The following KLHL32 variants were observed in gnomAD, a reference collection of about 807,000 sequenced individuals.
KLHL32 encodes the protein kelch-like protein 32.
KLHL32 carries 35 observed loss-of-function variants against 64.8 expected under a neutral mutation model. The ratio of observed to expected loss-of-function variants is 0.54; its 90% CI spans 0.41 to 0.72. KLHL32 has a LOEUF of 0.72. Ranked by LOEUF, KLHL32 falls within the 30% of genes least tolerant of loss-of-function variation. The pLI, the probability that KLHL32 is intolerant of heterozygous loss-of-function variation, is 0.00. For missense variants in KLHL32, 589 were observed against 768.5 expected (o/e 0.77, Z 2.76); for synonymous variants, 259 against 281.0 (o/e 0.92, Z 0.78).
At chr6:97,133,699 TCTC>T (rs1360895487) in intron 10 of KLHL32, among the ~76,000 whole-genome samples, 1 of 152,206 alleles carries the variant, frequency 6.6e-6, no homozygotes, top group Non-Finnish European at 1.5e-5. Context: ...TGTCTCTTCT[TCTC>T]TTGATTTGTC....
At chr6:97,102,177 A>G (rs1171193020) in intron 6 of KLHL32, among the ~76,000 whole-genome samples, 1 of 151,498 alleles carries the variant, frequency 6.6e-6, no homozygotes, top group East Asian at 1.9e-4. Flanking sequence ...TTTTGACATC[A>G]AGTCCTGTAT....
At chr6:97,102,472 A>G (rs1192537813) in intron 6 of KLHL32, among the ~76,000 whole-genome samples, 2 of 152,074 alleles carry the variant, frequency 1.3e-5, no homozygotes, top group Non-Finnish European at 2.9e-5. Context: ...GACCACATGC[A>G]AAGTTCCTTC....
At chr6:97,135,322 T>TTTTC (rs373996278) in intron 10 of KLHL32, among the ~76,000 whole-genome samples, 31,565 of 109,066 alleles carry the variant, frequency 0.29, 4,554 homozygotes, top group Non-Finnish European at 0.32. Flanking sequence ...TTTTTTTTTT[T>TTTTC]CCTGAGAGTG....
At chr6:97,042,617 C>T (rs1315557623) in intron 4 of KLHL32, among the ~76,000 whole-genome samples, 1 of 152,072 alleles carries the variant, frequency 6.6e-6, no homozygotes, top group Non-Finnish European at 1.5e-5. Flanking sequence ...ACCTCACCTA[C>T]CTACCTATTT....
intron 1 of KLHL32, among the ~76,000 whole-genome samples, chr6:96,937,855 C>G (rs2127996585): frequency 6.6e-6 from 1 of 152,238 alleles, no homozygotes; most frequent in East Asian, 1.9e-4. Context: ...TCCATCATGT[C>G]ACTCTTCTTT....
At chr6:97,008,053 A>G (rs111656932) in intron 3 of KLHL32, among the ~76,000 whole-genome samples, 1 of 150,894 alleles carries the variant, frequency 6.6e-6, no homozygotes, top group Non-Finnish European at 1.5e-5. Context: ...TTCCTGCTGC[A>G]CCTCCTCATG....
upstream of KLHL32, among the ~76,000 whole-genome samples, chr6:96,922,901 C>G (rs920626980): frequency 6.6e-6 from 1 of 152,028 alleles, no homozygotes; most frequent in Non-Finnish European, 1.5e-5. Context: ...TACTAAGGAG[C>G]CATTTAGGAA....
intron 3 of KLHL32, 50 bp from the exon 4 acceptor site, chr6:97,041,442 C>T (rs1212260483): frequency 1.6e-6 from 2 of 1,245,498 alleles, no homozygotes. Flanking sequence ...TTGTCTTGCT[C>T]CCTTGCTGTC....
At chr6:96,959,958 C>A (rs1193974472) in intron 1 of KLHL32, among the ~76,000 whole-genome samples, 1 of 152,120 alleles carries the variant, frequency 6.6e-6, no homozygotes, top group Non-Finnish European at 1.5e-5. Flanking sequence ...TAGAATAGTT[C>A]CCTTTTTTAC....
chr6:96,940,164 A>G (rs924589030), intron 1 of KLHL32, among the ~76,000 whole-genome samples: 3 of 152,198 alleles, frequency 2.0e-5, no homozygotes, highest in African/African-American at 7.2e-5. Context: ...GCAATATTAA[A>G]TTTGAGCTGT....
chr6:97,056,348 T>G (rs559010677), intron 4 of KLHL32, among the ~76,000 whole-genome samples: 40 of 152,094 alleles, frequency 2.6e-4, no homozygotes, highest in South Asian at 2.1e-3. Context: ...CTCGTGATCC[T>G]CCCGCCTTGG....
chr6:97,082,560 C>T (rs1792719009), intron 5 of KLHL32, among the ~76,000 whole-genome samples: 1 of 151,566 alleles, frequency 6.6e-6, no homozygotes, highest in African/African-American at 2.4e-5. Flanking sequence ...TTGCACTGAG[C>T]CAAGATAGCA....
intron 1 of KLHL32, among the ~76,000 whole-genome samples, chr6:96,960,562 G>A (rs1170968130): frequency 1.3e-5 from 2 of 152,154 alleles, no homozygotes; most frequent in Non-Finnish European, 2.9e-5. Flanking sequence ...ACAAATATGT[G>A]ATAATAGCAT....
Position 96,933,166 on chromosome 6 carries a change from C to T in KLHL32, c.-66+8140C>T, listed in dbSNP as rs77514841. On this transcript the variant is annotated intron_variant, in intron 1 of 10. Coordinates refer to ENST00000369261, the MANE Select transcript of KLHL32 (RefSeq NM_052904.4). ...GCAGGAGCATCACCCCAACATAACG[C>T]CTTTGAAAACAACGACATATTTTAC... Among the ~76,000 whole-genome samples, 11 of 152,190 alleles carry T rather than the reference C, an allele frequency of 7.2e-5. No individual in the cohort carries two copies. In the East Asian group the frequency reaches 2.1e-3, roughly 29 times the overall value.
intron 10 of KLHL32, among the ~76,000 whole-genome samples, chr6:97,138,814 TTTAAC>T (rs1800356788): frequency 6.6e-6 from 1 of 152,190 alleles, no homozygotes; most frequent in Non-Finnish European, 1.5e-5. Context: ...GGGCAAGTTA[TTTAAC>T]TTGTCTAAGG....
At chr6:97,042,724 C>T (rs1345788062) in intron 4 of KLHL32, among the ~76,000 whole-genome samples, 1 of 152,092 alleles carries the variant, frequency 6.6e-6, no homozygotes, top group South Asian at 2.1e-4. Context: ...TGAAGTAGAT[C>T]ACTACAGCTT....
chr6:97,114,067 C>T lies in KLHL32; in HGVS notation c.912C>T (p.Val304=). Residue 304 remains valine (V), a synonymous_variant, in exon 7 of 11, where the codon GTC becomes GTT. Transcript: ENST00000369261. The stretch of plus-strand genomic sequence containing the variant: ...GGAAAAAGCGCGAGGTCTGCAAGGT[C>T]AAGGAACTTCGGTACTTCAATCCTG... The part of the protein sequence containing the change: ...IGGKKREVCK[V]KELRYFNPVD... 1.5e-5 allele frequency: 25 copies of T among 1,614,196 alleles called. No homozygotes were observed. The highest frequency in any genetic ancestry group is 2.1e-5 in the Non-Finnish European group (25 of 1,180,038).
At chr6:96,950,845 C>G (rs966585397) in intron 1 of KLHL32, among the ~76,000 whole-genome samples, 1 of 152,098 alleles carries the variant, frequency 6.6e-6, no homozygotes, top group African/African-American at 2.4e-5. Context: ...GACTCTTGTT[C>G]TACTTTGATT....
chr6:96,987,076 T>C (rs539144267), intron 3 of KLHL32, among the ~76,000 whole-genome samples: 138 of 152,358 alleles, frequency 9.1e-4, no homozygotes, highest in African/African-American at 3.0e-3. Flanking sequence ...CATTTTTTAT[T>C]GCATCTATTT....
Sources: gnomAD v4.1 joint callset for allele counts (sites outside exome capture counted in the v4.1 genomes callset) on GRCh38, gnomAD v4.1.1 for gene constraint, MANE v1.5 for transcripts, NCBI Gene and HGNC (gene_info 2026-07-23, HGNC 2026-07-21) for gene names.